The following DNAJC12 variants were observed in gnomAD, a reference collection of about 807,000 sequenced individuals.
DNAJC12 encodes DnaJ heat shock protein family (Hsp40) member C12.
A neutral mutation model predicts 28.5 loss-of-function variants in DNAJC12; 25 were observed. The observed-to-expected ratio is 0.88, with a 90% CI of 0.64 to 1.22. DNAJC12 has a LOEUF of 1.22. Among genes scored for constraint, DNAJC12 ranks in the 50% most tolerant of loss-of-function variants. DNAJC12 has a pLI of 0.00. For synonymous variants in DNAJC12, 77 were observed against 80.6 expected, an observed-to-expected ratio of 0.95 and a Z score of 0.24; for missense variants, 222 against 231.7, an observed-to-expected ratio of 0.96 and a Z score of 0.27.
In DNAJC12 at chr10:67,819,405, G is replaced by A. The variant is rs566964420; in HGVS notation, c.157+3909C>T. ...TGTAATCCCAGCCCTTTGGGAGGCC[G>A]AGGCAGGCGAATCACCTGAGGTCGG... On this transcript the variant is annotated intron_variant, in intron 2 of 4. Coordinates refer to ENST00000225171, the MANE Select transcript of DNAJC12 (RefSeq NM_021800.3). 4.6e-5 allele frequency among the ~76,000 whole-genome samples: 7 copies of A among 151,964 alleles called. No homozygotes were observed. The South Asian group carries it at 8.3e-4, about 18-fold the overall frequency.
rs148423819 is a variant in DNAJC12, at chr10:67,798,017, G to A, written c.503-807C>T. Among the ~76,000 whole-genome samples the A allele has an allele frequency of 9.6e-3, 1,419 of 147,760 alleles. 27 individuals are homozygous for A. Among genetic ancestry groups the A allele is most frequent in the African/African-American group, 0.034 (1,330 of 38,572 alleles). ...ATAGCGCCACTGCACTCAGGCCTGG[G>A]CGACAGAGCGAGATTCTGTCTCAGA... is the stretch of plus-strand genomic sequence containing the variant. On this transcript the variant is annotated intron_variant, in intron 4 of 4. Transcript: ENST00000225171.
chr10:67,811,480 T>C (rs1275979816), intron 3 of DNAJC12, 44 bp downstream of exon 3: 1 of 1,612,802 alleles, frequency 6.2e-7, no homozygotes, highest in East Asian at 2.2e-5. Flanking sequence ...TCCATGGGCA[T>C]CCTGAGCTTC....
intron 2 of DNAJC12, among the ~76,000 whole-genome samples, chr10:67,815,813 C>T (rs1047726680): frequency 2.0e-5 from 3 of 152,166 alleles, no homozygotes; most frequent in South Asian, 2.1e-4. Context: ...TTGTTGGCTT[C>T]GCTTTCTAGA....
At chr10:67,816,384 C>T (rs1841916207) in intron 2 of DNAJC12, among the ~76,000 whole-genome samples, 1 of 151,670 alleles carries the variant, frequency 6.6e-6, no homozygotes, top group South Asian at 2.1e-4. Context: ...TGGGGAAAAA[C>T]AGTAAAGACT....
At chr10:67,835,345 T>G (rs1003100163) in intron 1 of DNAJC12, among the ~76,000 whole-genome samples, 1 of 152,294 alleles carries the variant, frequency 6.6e-6, no homozygotes, top group East Asian at 1.9e-4. Context: ...GGAAATGTCA[T>G]ATTAGTCAAA....
At chr10:67,830,425 A>T (rs370664148) in intron 1 of DNAJC12, among the ~76,000 whole-genome samples, 2 of 151,354 alleles carry the variant, frequency 1.3e-5, no homozygotes, top group African/African-American at 4.9e-5. Flanking sequence ...TGGCTAACAC[A>T]GTGAAACCCC....
At chr10:67,810,031 C>T (rs748353543) in intron 3 of DNAJC12, among the ~76,000 whole-genome samples, 17 of 152,160 alleles carry the variant, frequency 1.1e-4, no homozygotes, top group South Asian at 4.1e-4. Flanking sequence ...TAATTTATGA[C>T]GAAAAGAGGT....
chr10:67,830,265 C>A (rs779446844), intron 1 of DNAJC12, among the ~76,000 whole-genome samples: 4 of 151,772 alleles, frequency 2.6e-5, no homozygotes, highest in Non-Finnish European at 5.9e-5. Context: ...GAGCTGAGAT[C>A]GCGCCACTGC....
chr10:67,806,307 C>T (rs1445190230), intron 3 of DNAJC12, among the ~76,000 whole-genome samples: 3 of 152,192 alleles, frequency 2.0e-5, no homozygotes, highest in African/African-American at 7.2e-5. Context: ...TAGCCTTTAA[C>T]ACCCTAAAAT....
chr10:67,805,236 A>G (rs1262219195), intron 4 of DNAJC12, among the ~76,000 whole-genome samples: 1 of 152,008 alleles, frequency 6.6e-6, no homozygotes, highest in Non-Finnish European at 1.5e-5. Context: ...TATCAGCCTC[A>G]CAAGCTTGTA....
chr10:67,805,193 G>A (rs1042716227), intron 4 of DNAJC12, among the ~76,000 whole-genome samples: 2 of 151,968 alleles, frequency 1.3e-5, no homozygotes, highest in Admixed American at 1.3e-4. Context: ...CTGGCCTTTG[G>A]TTTTCTCATC....
intron 2 of DNAJC12, among the ~76,000 whole-genome samples, chr10:67,818,315 T>G (rs1388234332): frequency 6.6e-6 from 1 of 152,048 alleles, no homozygotes; most frequent in Non-Finnish European, 1.5e-5. Context: ...AACGGATGCT[T>G]AAATAGATTA....
intron 1 of DNAJC12, among the ~76,000 whole-genome samples, 196 bp from the exon 2 acceptor site, chr10:67,823,588 T>C (rs1842001488): frequency 6.6e-6 from 1 of 151,802 alleles, no homozygotes; most frequent in South Asian, 2.1e-4. Flanking sequence ...GTAGTCCCAG[T>C]TACTTGGAAG....
rs951627124 is a variant in DNAJC12 at position 67,797,300 on chromosome 10, G to T, written c.503-90C>A. 7.0e-6 allele frequency: 7 copies of T among 1,000,910 alleles called. No homozygotes were observed. In the East Asian group the frequency reaches 1.6e-4, roughly 22 times the overall value. 62.0% of individuals were successfully genotyped at this position (1,000,910 alleles called of 1,614,324 possible). On this transcript the variant is annotated intron_variant, in intron 4 of 4. Transcript: ENST00000225171. ...AACAGCTTGGGGATAATATTTCACT[G>T]CAGCAGGTACAATGTAAGGGTAAGA...
At chr10:67,829,707 C>T (rs536486183) in intron 1 of DNAJC12, among the ~76,000 whole-genome samples, 84 of 152,106 alleles carry the variant, frequency 5.5e-4, no homozygotes, top group Non-Finnish European at 1.0e-3. Context: ...TCAAGCCGCC[C>T]TTTGTGTTTC....
At chr10:67,815,190 CT>C (rs1487870055) in intron 2 of DNAJC12, among the ~76,000 whole-genome samples, 1 of 152,100 alleles carries the variant, frequency 6.6e-6, no homozygotes, top group Non-Finnish European at 1.5e-5. Flanking sequence ...TTGATATGTG[CT>C]ACAACATGAA....
chr10:67,801,836 CTTTTTTTTTTTTTTTT>C (rs577511924), intron 4 of DNAJC12, among the ~76,000 whole-genome samples: 601 of 26,130 alleles, frequency 0.023, 6 homozygotes, highest in African/African-American at 0.075. Flanking sequence ...CCACTTCATT[CTTTTTTTTTTTTTTTT>C]TTTTTTTTTT....
intron 2 of DNAJC12, among the ~76,000 whole-genome samples, chr10:67,817,694 T>A (rs1053550313): frequency 7.3e-6 from 1 of 136,180 alleles, no homozygotes; most frequent in Non-Finnish European, 1.6e-5. Flanking sequence ...CTGGCCAACA[T>A]GGTGAAACCC....
chr10:67,805,924 A>G, intron 3 of DNAJC12, 137 bp from the exon 4 acceptor site: 1 of 582,994 alleles, frequency 1.7e-6, no homozygotes, highest in Non-Finnish European at 2.8e-6. Context: ...ACTATTAACA[A>G]GATACTCATA....
Sources: gnomAD v4.1 joint callset for allele counts (sites outside exome capture counted in the v4.1 genomes callset) on GRCh38, gnomAD v4.1.1 for gene constraint, MANE v1.5 for transcripts, NCBI Gene and HGNC (gene_info 2026-07-23, HGNC 2026-07-21) for gene names.